Variants in DLGAP1 observed in about 807,000 individuals in gnomAD.
DLGAP1 encodes the protein DLG associated protein 1.
DLGAP1 carries 11 observed loss-of-function variants against 90.8 expected under a neutral mutation model. The observed-to-expected ratio is 0.12, with a 90% confidence interval of 0.08 to 0.20. The LOEUF is 0.20. DLGAP1 is among the 10% of genes least tolerant of loss of function. The pLI is 1.00. For missense variants in DLGAP1, 1,050 were observed against 1,333.8 expected (o/e 0.79, Z 3.31); for synonymous variants, 558 against 540.7 (o/e 1.03, Z -0.44).
chr18:3,794,794 G>A (rs1376512703), intron 5 of DLGAP1, among the ~76,000 whole-genome samples: 1 of 152,230 alleles, frequency 6.6e-6, no homozygotes, highest in South Asian at 2.1e-4. Flanking sequence ...AGCAGCGGAG[G>A]AAGCTCTGCC....
intron 7 of DLGAP1, among the ~76,000 whole-genome samples, chr18:3,601,330 C>T (rs538562929): frequency 1.3e-5 from 2 of 152,162 alleles, no homozygotes; most frequent in South Asian, 4.1e-4. Context: ...AAGCAATCCA[C>T]CCGCCTCGGC....
chr18:3,502,332 C>A, intron 12 of DLGAP1, 161 bp downstream of exon 12: 1 of 1,394,160 alleles, frequency 7.2e-7, no homozygotes, highest in Non-Finnish European at 9.3e-7. Flanking sequence ...AGATAATATC[C>A]CAAATGATTA....
At chr18:3,802,215 C>A (rs986652384) in intron 5 of DLGAP1, among the ~76,000 whole-genome samples, 6 of 151,196 alleles carry the variant, frequency 4.0e-5, no homozygotes, top group African/African-American at 7.3e-5. Flanking sequence ...GAACTCCTGA[C>A]TTTGTGATCC....
In DLGAP1 at chr18:3,879,492, C is replaced by T; in HGVS notation, c.577G>A (p.Ala193Thr). Residue 193 changes from alanine (A) to threonine (T), a missense_variant, in exon 4 of 13, where the codon GCC (alanine) becomes ACC (threonine). Coordinates refer to ENST00000315677, the MANE Select transcript of DLGAP1 (RefSeq NM_004746.4). This position sits in a 1 kb window ranked among gnomAD's most constrained non-coding sequence, Gnocchi z 6.6. ...KSKERRAEPKARPSTSPGWWS... is the reference protein window; with the variant it reads ...KSKERRAEPKTRPSTSPGWWS... ...CAGCCCGGGGAGGTGCTGGGCCGGGCCTTGGGCTCCGCGCGCCGCTCCTTG... is the reference window on the plus strand; with the variant it reads ...CAGCCCGGGGAGGTGCTGGGCCGGGTCTTGGGCTCCGCGCGCCGCTCCTTG... 1 of 1,604,188 alleles carries T rather than the reference C, an allele frequency of 6.2e-7. No homozygotes were observed. Among genetic ancestry groups the T allele is most frequent in the Non-Finnish European group, 8.5e-7 (1 of 1,179,776 alleles).
chr18:3,591,757 G>A (rs1188072929), intron 7 of DLGAP1, among the ~76,000 whole-genome samples: 5 of 152,042 alleles, frequency 3.3e-5, no homozygotes, highest in Non-Finnish European at 7.4e-5. Context: ...AAGAAGAAAG[G>A]GGGGTTTTCA....
At chr18:4,052,333 G>A (rs1195380302) in intron 2 of DLGAP1, among the ~76,000 whole-genome samples, 2 of 152,276 alleles carry the variant, frequency 1.3e-5, no homozygotes, top group African/African-American at 4.8e-5. Flanking sequence ...TTGAAATCTA[G>A]GTGGAGATTC....
chr18:3,900,665 A>G (rs2071761767), intron 3 of DLGAP1, among the ~76,000 whole-genome samples: 1 of 152,198 alleles, frequency 6.6e-6, no homozygotes, highest in African/African-American at 2.4e-5. Flanking sequence ...GAGGAACATT[A>G]TGCCCTTGGG....
At chr18:3,715,982 A>T (rs1258159269) in intron 7 of DLGAP1, among the ~76,000 whole-genome samples, 3 of 152,254 alleles carry the variant, frequency 2.0e-5, no homozygotes, top group Non-Finnish European at 4.4e-5. Context: ...AAAGGAAAGC[A>T]AGGGAAAGAA....
chr18:3,911,123 AC>A (rs1419759389), intron 3 of DLGAP1, among the ~76,000 whole-genome samples: 8 of 152,128 alleles, frequency 5.3e-5, no homozygotes, highest in African/African-American at 1.9e-4. Flanking sequence ...TATCAGGTAA[AC>A]TTGTGTTCTC....
Position 4,107,689 on chromosome 18 carries a change from T to C in DLGAP1, c.-159+43491A>G, listed in dbSNP as rs113466816. Reference sequence around the variant, plus strand: ...TCTTAACAAAGCTGTTAAAAATAAATTGATTTATCTCTCTACGATAGAAAT... The same window carrying C: ...TCTTAACAAAGCTGTTAAAAATAAACTGATTTATCTCTCTACGATAGAAAT... On this transcript the variant is annotated intron_variant, in intron 2 of 12. Transcript: ENST00000315677. Among the ~76,000 whole-genome samples, 383 of 145,752 alleles carry C rather than the reference T, an allele frequency of 2.6e-3. 3 individuals carry two copies. The highest frequency in any genetic ancestry group is 0.019 in the South Asian group (90 of 4,822).
chr18:3,521,788 C>T (rs933267826), intron 10 of DLGAP1, among the ~76,000 whole-genome samples: 3 of 152,194 alleles, frequency 2.0e-5, no homozygotes, highest in African/African-American at 7.2e-5. Flanking sequence ...CTATTATCTC[C>T]ACTGAAGGAA....
intron 2 of DLGAP1, among the ~76,000 whole-genome samples, chr18:4,019,946 A>C (rs1324364565): frequency 6.6e-6 from 1 of 152,256 alleles, no homozygotes; most frequent in African/African-American, 2.4e-5. Context: ...TACATCCATC[A>C]ATACATGTAA....
At chr18:4,216,137 A>G (rs968621159) in intron 1 of DLGAP1, among the ~76,000 whole-genome samples, 5 of 152,104 alleles carry the variant, frequency 3.3e-5, no homozygotes, top group South Asian at 2.1e-4. Context: ...CAATCATGGC[A>G]CAAGGGGAAG....
intron 1 of DLGAP1, among the ~76,000 whole-genome samples, chr18:4,399,023 G>C (rs533989520): frequency 6.6e-6 from 1 of 152,070 alleles, no homozygotes; most frequent in Non-Finnish European, 1.5e-5. Flanking sequence ...GTAGAGAAGG[G>C]TTTTCATCAT....
intron 2 of DLGAP1, among the ~76,000 whole-genome samples, chr18:4,136,017 C>T (rs937594860): frequency 2.6e-5 from 4 of 151,894 alleles, no homozygotes; most frequent in Admixed American, 2.6e-4. Flanking sequence ...ATCCCTCCCC[C>T]TCCCCCCACC....
intron 3 of DLGAP1, among the ~76,000 whole-genome samples, chr18:3,995,944 T>C (rs1178582925): frequency 6.6e-6 from 1 of 152,120 alleles, no homozygotes; most frequent in Non-Finnish European, 1.5e-5. Context: ...AAATAATTCC[T>C]GATCTAATAA....
At chr18:4,347,301 A>ACTCAGTACTCAACG (rs2143930048) in intron 1 of DLGAP1, among the ~76,000 whole-genome samples, 1 of 152,240 alleles carries the variant, frequency 6.6e-6, no homozygotes, top group African/African-American at 2.4e-5. Flanking sequence ...TACTCTACAA[A>ACTCAGTACTCAACG]TTGCTGCAAA....
chr18:3,922,712 G>A (rs573798518), intron 3 of DLGAP1, among the ~76,000 whole-genome samples: 1 of 152,252 alleles, frequency 6.6e-6, no homozygotes, highest in African/African-American at 2.4e-5. Flanking sequence ...GCTATTTGAA[G>A]TCATCTCTCA....
chr18:3,523,609 A>G (rs552587349), intron 10 of DLGAP1, among the ~76,000 whole-genome samples: 1 of 152,192 alleles, frequency 6.6e-6, no homozygotes, highest in East Asian at 1.9e-4. Context: ...GCACTTTGGG[A>G]GGCCAAGGAG....
Sources: allele counts gnomAD v4.1 joint callset (sites outside exome capture counted in the v4.1 genomes callset), GRCh38; gene constraint gnomAD v4.1.1; non-coding constraint Gnocchi (gnomAD v3.1); transcripts MANE v1.5; gene names NCBI Gene and HGNC (gene_info 2026-07-23, HGNC 2026-07-21).